Variants in ARHGAP26 observed in about 807,000 individuals in gnomAD.
ARHGAP26 encodes Rho GTPase activating protein 26.
ARHGAP26 carries 38 observed loss-of-function variants against 104.8 expected under a neutral mutation model. The ratio of observed to expected loss-of-function variants is 0.36; its 90% CI spans 0.28 to 0.48. The LOEUF is 0.48. ARHGAP26 is among the 20% of genes least tolerant of loss of function. The pLI, the probability that ARHGAP26 is intolerant of heterozygous loss-of-function variation, is 0.99. For missense variants in ARHGAP26, 704 were observed against 947.9 expected, an observed-to-expected ratio of 0.74 and a Z score of 3.38; for synonymous variants, 341 against 340.0, an observed-to-expected ratio of 1.00 and a Z score of -0.03.
chr5:142,962,405 A>G (rs531486950), intron 11 of ARHGAP26, among the ~76,000 whole-genome samples: 1 of 152,290 alleles, frequency 6.6e-6, no homozygotes, highest in South Asian at 2.1e-4. Flanking sequence ...AGAATAGGGG[A>G]AAATAACAAG....
chr5:142,801,130 TG>T (rs1324711419), intron 1 of ARHGAP26, among the ~76,000 whole-genome samples: 1 of 152,204 alleles, frequency 6.6e-6, no homozygotes, highest in Non-Finnish European at 1.5e-5. Context: ...CAGGTCTGAT[TG>T]CTTTTTCTTT....
Position 143,093,553 on chromosome 5 carries a change from T to C in ARHGAP26, c.1539-27435T>C, listed in dbSNP as rs1453337998. Among the ~76,000 whole-genome samples, 5 of 152,114 alleles carry C rather than the reference T, an allele frequency of 3.3e-5. No homozygotes were observed. The East Asian group carries it at 9.6e-4, about 29-fold the overall frequency. ...CTGTCTCTTTCTCTCTTTGACTCCC[T>C]CTTTGTGTCTCTCTTTCTCTCTCTC... On this transcript the variant is annotated intron_variant, in intron 17 of 22. Transcript: ENST00000645722.
At chr5:143,068,041 G>A (rs1183378120) in intron 17 of ARHGAP26, among the ~76,000 whole-genome samples, 1 of 152,198 alleles carries the variant, frequency 6.6e-6, no homozygotes, top group East Asian at 1.9e-4. Context: ...GCATTTGCCT[G>A]TAGTCCCAGC....
intron 6 of ARHGAP26, among the ~76,000 whole-genome samples, chr5:142,896,889 T>C (rs2152438080): frequency 6.6e-6 from 1 of 152,346 alleles, no homozygotes; most frequent in East Asian, 1.9e-4. Flanking sequence ...TGTTTATCCA[T>C]GTGAGGTGCT....
chr5:143,183,100 A>G (rs1265315384), intron 20 of ARHGAP26, among the ~76,000 whole-genome samples: 1 of 151,962 alleles, frequency 6.6e-6, no homozygotes. Context: ...AAGAAAAAAA[A>G]ACCTCATTTC....
In ARHGAP26 at chr5:143,227,310, G is replaced by T. The variant is rs1165461038; in HGVS notation, c.*4864G>T. 1 of 230,462 alleles carries T rather than the reference G, an allele frequency of 4.3e-6. No homozygotes were observed. Among genetic ancestry groups the T allele is most frequent in the Admixed American group, 5.7e-5 (1 of 17,680 alleles). The allele number at this position is 230,462 out of a possible 1,614,324, so 14.3% of individuals were successfully genotyped here. ...TTAAAAGGAATGACCTAGGTGTTCT[G>T]CCAAAGGAGTTATCTATCATCTCTG... On this transcript the variant is annotated 3_prime_UTR_variant, in exon 23 of 23. Transcript: ENST00000645722.
chr5:142,819,228 A>T (rs1765669252), intron 1 of ARHGAP26, among the ~76,000 whole-genome samples: 1 of 152,098 alleles, frequency 6.6e-6, no homozygotes, highest in South Asian at 2.1e-4. Context: ...GTCAATTAAC[A>T]AGTTCCTCTG....
chr5:143,186,167 C>T (rs537006815), intron 20 of ARHGAP26, among the ~76,000 whole-genome samples: 22 of 152,342 alleles, frequency 1.4e-4, no homozygotes, highest in African/African-American at 4.6e-4. Context: ...CTGTTTGTCA[C>T]TCACCTTGTG....
chr5:143,197,537 G>A (rs1056653637), intron 20 of ARHGAP26, among the ~76,000 whole-genome samples: 23 of 152,208 alleles, frequency 1.5e-4, no homozygotes, highest in African/African-American at 5.3e-4. Context: ...CCCTATTCAG[G>A]TTTCTTGCCC....
chr5:142,916,208 G>A (rs549392784), intron 10 of ARHGAP26, among the ~76,000 whole-genome samples: 1 of 152,360 alleles, frequency 6.6e-6, no homozygotes, highest in South Asian at 2.1e-4. Context: ...ACATGTTGAA[G>A]TGTGAAGTAT....
Position 143,207,258 on chromosome 5 carries a change from AT to A in ARHGAP26, c.2050del (p.Ser684ProfsTer61). Reference protein sequence around the residue: ...SPSWPMFSAPSSPMPTSSTSS... With the variant: ...SPSWPMFSAPXSPMPTSSTSS... ...CATCTTGGCCCATGTTCTCGGCGCCATCCAGCCCTATGCCCACCTCATCCAC... is the reference window on the plus strand; with the variant it reads ...CATCTTGGCCCATGTTCTCGGCGCCACCAGCCCTATGCCCACCTCATCCAC... On this transcript the variant is annotated frameshift_variant, in exon 21 of 23. Coordinates refer to ENST00000645722, the MANE Select transcript of ARHGAP26 (RefSeq NM_001135608.3). LOFTEE classifies it high-confidence loss of function. 6.2e-7 allele frequency: 1 copy of A among 1,613,996 alleles called. No homozygotes were observed.
intron 11 of ARHGAP26, among the ~76,000 whole-genome samples, chr5:142,959,413 G>A (rs998682911): frequency 1.3e-5 from 2 of 152,198 alleles, no homozygotes; most frequent in Non-Finnish European, 2.9e-5. Flanking sequence ...AGAAATCAAG[G>A]TGTTGGTTAG....
intron 14 of ARHGAP26, among the ~76,000 whole-genome samples, chr5:143,042,619 C>T (rs1225800617): frequency 6.6e-6 from 1 of 152,238 alleles, no homozygotes; most frequent in Non-Finnish European, 1.5e-5. Flanking sequence ...TTCACAGAGG[C>T]TGTTATTCCT....
intron 12 of ARHGAP26, among the ~76,000 whole-genome samples, chr5:143,035,842 A>G (rs995716507): frequency 1.3e-5 from 2 of 150,942 alleles, no homozygotes; most frequent in Non-Finnish European, 3.0e-5. Context: ...AAGCTGAGGC[A>G]GGAGACTCGC....
At chr5:143,194,392 A>G (rs567030646) in intron 20 of ARHGAP26, among the ~76,000 whole-genome samples, 20 of 152,244 alleles carry the variant, frequency 1.3e-4, no homozygotes, top group Admixed American at 2.6e-4. Flanking sequence ...CCTATGAGCA[A>G]TGGGGAAGCA....
At position 142,775,135 on chromosome 5, in the gene ARHGAP26, A is replaced by AT. The variant is rs200035763; in HGVS notation, c.154+4221dup. On this transcript the variant is annotated intron_variant, in intron 1 of 22. Coordinates refer to ENST00000645722, the MANE Select transcript of ARHGAP26 (RefSeq NM_001135608.3). ...TTAGATTATATAGTAATGTATATATATATAAAATAAAATAGTACGTGTAGT... is the reference window on the plus strand; with the variant it reads ...TTAGATTATATAGTAATGTATATATATTATAAAATAAAATAGTACGTGTAGT... 6.8e-3 allele frequency among the ~76,000 whole-genome samples: 1,037 copies of AT among 152,156 alleles called. 10 individuals are homozygous for AT. Among genetic ancestry groups the AT allele is most frequent in the African/African-American group, 0.022 (928 of 41,528 alleles).
intron 11 of ARHGAP26, among the ~76,000 whole-genome samples, chr5:143,006,750 A>G (rs1207679340): frequency 6.6e-6 from 1 of 152,226 alleles, no homozygotes; most frequent in African/African-American, 2.4e-5. Flanking sequence ...GAGTTGAGAC[A>G]CATCCTTATT....
rs10550663 is a variant in ARHGAP26 at position 142,779,424 on chromosome 5, G to GGTGT, written c.154+8528_154+8531dup. Among the ~76,000 whole-genome samples the GGTGT allele has an allele frequency of 5.5e-4, 82 of 149,778 alleles. 1 individual carries two copies. The highest frequency in any genetic ancestry group is 1.7e-3 in the African/African-American group (69 of 40,888). Reference sequence around the variant, plus strand: ...AAGAGGAGATTCCTGGGGTTAGGGTGGTGTGTGTGTGTGTGTGTGTGTTTT... The same window carrying GGTGT: ...AAGAGGAGATTCCTGGGGTTAGGGTGGTGTGTGTGTGTGTGTGTGTGTGTGTTTT... On this transcript the variant is annotated intron_variant, in intron 1 of 22. Transcript: ENST00000645722.
chr5:142,834,992 GT>G (rs1228000862), intron 1 of ARHGAP26, among the ~76,000 whole-genome samples: 4 of 152,296 alleles, frequency 2.6e-5, no homozygotes, highest in African/African-American at 9.6e-5. Flanking sequence ...GTTCCACCTG[GT>G]TCACGTGTGA....
Sources: allele counts gnomAD v4.1 joint callset (sites outside exome capture counted in the v4.1 genomes callset), GRCh38; gene constraint gnomAD v4.1.1; transcripts MANE v1.5; gene names NCBI Gene and HGNC (gene_info 2026-07-23, HGNC 2026-07-21).